Variants in ANGPTL2 observed in about 807,000 individuals in gnomAD.
ANGPTL2 encodes the protein angiopoietin like 2.
Under a neutral mutation model 52.8 loss-of-function variants are expected in ANGPTL2, and 25 were observed. The ratio of observed to expected loss-of-function variants is 0.47; its 90% CI spans 0.35 to 0.66. ANGPTL2 has a LOEUF of 0.66. Among genes scored for constraint, ANGPTL2 ranks in the 30% least tolerant of loss-of-function variants. ANGPTL2 has a pLI of 0.01. For synonymous variants in ANGPTL2, 276 were observed against 277.4 expected (o/e 1.00, Z 0.05); for missense variants, 546 against 656.9 (o/e 0.83, Z 1.84).
Position 127,087,589 on chromosome 9 carries a change from C to G in ANGPTL2, c.*1350G>C, listed in dbSNP as rs1589392345. The G allele has an allele frequency of 6.6e-6, 1 of 152,550 alleles. No individual in the cohort carries two copies. Among genetic ancestry groups the G allele is most frequent in the Non-Finnish European group, 1.5e-5 (1 of 68,046 alleles). The allele number at this position is 152,550 out of a possible 1,614,324, so 9.4% of individuals were successfully genotyped here. ...CTTCTTGACTCATCCCTTGCCCCTT[C>G]TTGGCAATAGTCCCGGGAGTGCTGA... On this transcript the variant is annotated 3_prime_UTR_variant, in exon 5 of 5. Coordinates refer to ENST00000373425, the MANE Select transcript of ANGPTL2 (RefSeq NM_012098.3).
chr9:127,104,714 C>A (rs928050123), intron 2 of ANGPTL2, among the ~76,000 whole-genome samples: 1 of 152,220 alleles, frequency 6.6e-6, no homozygotes, highest in Non-Finnish European at 1.5e-5. Flanking sequence ...CCATGGCTCC[C>A]TTAGTCCCCT....
At chr9:127,116,298 T>A (rs566015125) in intron 1 of ANGPTL2, among the ~76,000 whole-genome samples, 3 of 151,664 alleles carry the variant, frequency 2.0e-5, no homozygotes, top group Admixed American at 6.6e-5. Context: ...CGGGTTGTGG[T>A]CACACCATGA....
rs751341938 is a variant in ANGPTL2 at position 127,108,514 on chromosome 9, G to A, written c.218C>T (p.Ser73Phe). Residue 73 changes from serine to phenylalanine, a missense_variant, in exon 2 of 5, where the codon TCC becomes TTC. Coordinates refer to ENST00000373425, the MANE Select transcript of ANGPTL2 (RefSeq NM_012098.3). ...QRVTGAICVNSKEPEVLLENR... is the reference protein window; with the variant it reads ...QRVTGAICVNFKEPEVLLENR... ...CTCCAGAAGCACCTCAGGCTCCTTG[G>A]AGTTGACGCAGATGGCACCCGTGAC... is the stretch of plus-strand genomic sequence containing the variant. 1 of 1,612,930 alleles carries A rather than the reference G, an allele frequency of 6.2e-7. No homozygotes were observed. The highest frequency in any genetic ancestry group is 1.1e-5 in the South Asian group (1 of 90,940).
chr9:127,115,401 G>C (rs1009373900), intron 1 of ANGPTL2, among the ~76,000 whole-genome samples: 2 of 152,026 alleles, frequency 1.3e-5, no homozygotes, highest in Non-Finnish European at 2.9e-5. Flanking sequence ...TGCTGGTTGC[G>C]GTCTTATGTA....
rs142783214 is a variant in ANGPTL2, at chr9:127,091,875, G to C, written c.1077C>G (p.Asn359Lys). ...TCACCAGGAGTTTGTAGTTGCCTTG[G>C]TTCGTCAGCCAGTAAATGTTCTCCA... ...LGLENIYWLT[N>K]QGNYKLLVTM... The change falls in exon 4 of 5, where the codon AAC becomes AAG. Residue 359 changes from asparagine to lysine, a missense_variant. Physicochemically the swap from Asn to Lys is moderately conservative, Grantham distance 94 (BLOSUM62 0). Around this residue, in one of 2 missense-constraint regions of ANGPTL2, gnomAD observed 261 missense variants for 361.0 expected, o/e 0.72. Coordinates refer to ENST00000373425, the MANE Select transcript of ANGPTL2 (RefSeq NM_012098.3). This position sits in a 1 kb window ranked among gnomAD's most constrained non-coding sequence, Gnocchi z 4.3. 110 of 1,613,990 alleles carry C rather than the reference G, an allele frequency of 6.8e-5. No individual in the cohort carries two copies. Among genetic ancestry groups the C allele is most frequent in the Admixed American group, 1.7e-4 (10 of 60,004 alleles).
At chr9:127,106,201 T>C (rs1057013665) in intron 2 of ANGPTL2, among the ~76,000 whole-genome samples, 2 of 152,240 alleles carry the variant, frequency 1.3e-5, no homozygotes, top group Non-Finnish European at 2.9e-5. Context: ...GAGTCCAGCC[T>C]GTCTCCAGTC....
In ANGPTL2 at chr9:127,088,672, A is replaced by G; in HGVS notation, c.*267T>C. The G allele has an allele frequency of 5.9e-6, 3 of 508,460 alleles. No homozygotes were observed. The highest frequency in any genetic ancestry group is 7.1e-6 in the Non-Finnish European group (2 of 283,594). The allele number at this position is 508,460 out of a possible 1,614,324, so 31.5% of individuals were successfully genotyped here. ...GTTGTGTTTTTATTGTAGAGACTTA[A>G]TTTATTTAAAGAAAGAGTTGTCTGT... On this transcript the variant is annotated 3_prime_UTR_variant, in exon 5 of 5. Transcript: ENST00000373425.
intron 1 of ANGPTL2, among the ~76,000 whole-genome samples, chr9:127,109,393 A>G (rs1045724763): frequency 1.3e-5 from 2 of 152,370 alleles, no homozygotes; most frequent in East Asian, 1.9e-4. Flanking sequence ...ATCGTTAGAC[A>G]TGTTATGGAA....
In ANGPTL2 at chr9:127,091,509, G is replaced by A. The variant is rs2052468243; in HGVS notation, c.1282+161C>T. 6.6e-6 allele frequency among the ~76,000 whole-genome samples: 1 copy of A among 152,176 alleles called. No individual in the cohort carries two copies. Among genetic ancestry groups the A allele is most frequent in the Non-Finnish European group, 1.5e-5 (1 of 68,022 alleles). ...GCTTTGTGAAGGGGACCTGTGGGCA[G>A]GAGAAGGGACCCTCAGGGGGTGGTA... On this transcript the variant is annotated intron_variant, in intron 4 of 4. Transcript: ENST00000373425. The surrounding 1 kb of genome is among the most constrained non-coding windows in gnomAD (Gnocchi z 4.3).
In ANGPTL2 at chr9:127,088,453, C is replaced by T. The variant is rs1397799494; in HGVS notation, c.*486G>A. 1 of 167,690 alleles carries T rather than the reference C, an allele frequency of 6.0e-6. No individual in the cohort carries two copies. Among genetic ancestry groups the T allele is most frequent in the Non-Finnish European group, 1.3e-5 (1 of 77,480 alleles). The allele number at this position is 167,690 out of a possible 1,614,324, so 10.4% of individuals were successfully genotyped here. On this transcript the variant is annotated 3_prime_UTR_variant, in exon 5 of 5. Transcript: ENST00000373425. ...TACAACACTAATGAAATGCTTTTCT[C>T]CTAAGAGCAAAGCTGCTGGTGACAG...
intron 1 of ANGPTL2, among the ~76,000 whole-genome samples, chr9:127,117,545 CAA>C (rs1421635486): frequency 6.6e-6 from 1 of 152,160 alleles, no homozygotes; most frequent in African/African-American, 2.4e-5. Context: ...ATTTGTAATG[CAA>C]AGAGATCCAT....
rs958401579 is a variant in ANGPTL2, at chr9:127,118,306, C to T, written c.-50+4009G>A. Among the ~76,000 whole-genome samples the T allele has an allele frequency of 2.0e-5, 3 of 152,226 alleles. No homozygotes were observed. The East Asian group carries it at 5.8e-4, about 29-fold the overall frequency. ...ATGGCTCACAGTCCATGTGAAAGAA[C>T]ACAGTTTTGTCATAGAAACTACCCC... On this transcript the variant is annotated intron_variant, in intron 1 of 4. Transcript: ENST00000373425.
rs565285504 is a variant in ANGPTL2 at position 127,112,343 on chromosome 9, C to T, written c.-49-3563G>A. On this transcript the variant is annotated intron_variant, in intron 1 of 4. Transcript: ENST00000373425. Reference sequence around the variant, plus strand: ...CAGAACAATGGGGAGGAGCCGCCCCCGACCCTGGGCTAGGGCAGGCCTGCT... The same window carrying T: ...CAGAACAATGGGGAGGAGCCGCCCCTGACCCTGGGCTAGGGCAGGCCTGCT... 4.6e-5 allele frequency among the ~76,000 whole-genome samples: 7 copies of T among 152,328 alleles called. No homozygotes were observed. In the East Asian group the frequency reaches 7.7e-4, roughly 17 times the overall value.
chr9:127,117,744 T>C lies in ANGPTL2; in HGVS notation c.-50+4571A>G, dbSNP rs1019737549. 5.9e-5 allele frequency among the ~76,000 whole-genome samples: 9 copies of C among 152,376 alleles called. No individual in the cohort carries two copies. The East Asian group carries it at 1.7e-3, about 29-fold the overall frequency. Reference sequence around the variant, plus strand: ...CACAGATATCTTTTCTACCTGGCCCTGAGTGGGTATTAGAGATTCGGCAGT... The same window carrying C: ...CACAGATATCTTTTCTACCTGGCCCCGAGTGGGTATTAGAGATTCGGCAGT... On this transcript the variant is annotated intron_variant, in intron 1 of 4. Transcript: ENST00000373425.
intron 1 of ANGPTL2, among the ~76,000 whole-genome samples, chr9:127,120,825 C>T (rs1278993680): frequency 6.8e-6 from 1 of 148,098 alleles, no homozygotes; most frequent in Non-Finnish European, 1.5e-5. Flanking sequence ...GAGACTCCAT[C>T]TCAAAAAAAA....
intron 2 of ANGPTL2, among the ~76,000 whole-genome samples, chr9:127,097,964 C>T (rs926222596): frequency 2.0e-5 from 3 of 152,190 alleles, no homozygotes; most frequent in Admixed American, 6.5e-5. Context: ...AACCCAAGAG[C>T]GGCCAGCATG....
At chr9:127,089,635 A>G (rs2052213372) in intron 4 of ANGPTL2, among the ~76,000 whole-genome samples, 1 of 152,212 alleles carries the variant, frequency 6.6e-6, no homozygotes, top group Non-Finnish European at 1.5e-5. Context: ...GAAAGTGTTT[A>G]AGAAGAAATG....
intron 2 of ANGPTL2, among the ~76,000 whole-genome samples, chr9:127,100,129 C>T (rs983533739): frequency 3.3e-5 from 5 of 152,186 alleles, no homozygotes; most frequent in Middle Eastern, 3.4e-3. Context: ...TTTCACTTCC[C>T]AAGAATTCCT....
intron 1 of ANGPTL2, among the ~76,000 whole-genome samples, chr9:127,113,892 A>G (rs554667225): frequency 6.6e-6 from 1 of 152,370 alleles, no homozygotes; most frequent in African/African-American, 2.4e-5. Flanking sequence ...CTGTGGTGCC[A>G]CAGCCCAAGC....
Sources: allele counts gnomAD v4.1 joint callset (sites outside exome capture counted in the v4.1 genomes callset), GRCh38; gene constraint gnomAD v4.1.1; regional missense constraint gnomAD v4.1.1; non-coding constraint Gnocchi (gnomAD v3.1); transcripts MANE v1.5; gene names NCBI Gene and HGNC (gene_info 2026-07-23, HGNC 2026-07-21).